USP9X: variants seen among roughly 807,000 people sequenced by gnomAD.
USP9X encodes ubiquitin specific peptidase 9 X-linked.
USP9X carries 7 observed loss-of-function variants against 190.3 expected under a neutral mutation model. That is an observed-to-expected ratio of 0.04 (90% confidence interval 0.02 to 0.07). The LOEUF is 0.07. USP9X is among the 10% of genes least tolerant of loss of function. The probability of loss-of-function intolerance (pLI) is 1.00; values close to 1 mark genes in which losing one functional copy is unlikely to be tolerated. For missense variants in USP9X, 1,010 were observed against 1,916.9 expected, an observed-to-expected ratio of 0.53 and a Z score of 8.83; for synonymous variants, 645 against 659.5, an observed-to-expected ratio of 0.98 and a Z score of 0.34.
chrX:41,195,515 G>A (rs971973621), intron 26 of USP9X, among the ~76,000 whole-genome samples: 5 of 111,517 alleles, frequency 4.5e-5, no homozygotes, highest in African/African-American at 1.6e-4. Context: ...TTTTGGAACT[G>A]CCAGTACGGT....
intron 38 of USP9X, among the ~76,000 whole-genome samples, chrX:41,220,317 T>C (rs985934767): frequency 8.9e-6 from 1 of 112,303 alleles, no homozygotes; most frequent in African/African-American, 3.2e-5. Context: ...TTTTAGATAT[T>C]GCCTGTTCAC....
rs754326668 is a variant in USP9X at position 41,102,937 on chromosome X, C to T, written c.-159+16828C>T. Reference sequence around the variant, plus strand: ...CTTCCCTAGTAGCTGGGATTATAGGCGCCCGCCACCACGCCCGGCTAATTG... The same window carrying T: ...CTTCCCTAGTAGCTGGGATTATAGGTGCCCGCCACCACGCCCGGCTAATTG... On this transcript the variant is annotated intron_variant, in intron 1 of 44. Coordinates refer to ENST00000378308, the MANE Select transcript of USP9X (RefSeq NM_001039591.3). Among the ~76,000 whole-genome samples, 7 of 111,134 alleles carry T rather than the reference C, an allele frequency of 6.3e-5. No individual in the cohort carries two copies. The South Asian group carries it at 2.6e-3, about 42-fold the overall frequency.
intron 1 of USP9X, among the ~76,000 whole-genome samples, chrX:41,095,590 A>T (rs1214448171): frequency 1.8e-5 from 2 of 112,177 alleles, no homozygotes; most frequent in East Asian, 5.6e-4. Flanking sequence ...AAGAACTAGT[A>T]GGAGAGTGTG....
At chrX:41,125,684 A>ACACACACACACACACACT in intron 2 of USP9X, among the ~76,000 whole-genome samples, 20 of 19,022 alleles carry the variant, frequency 1.1e-3, no homozygotes, top group East Asian at 1.9e-3. Flanking sequence ...ACACACACAC[A>ACACACACACACACACACT]CTCTCTCTCT....
At chrX:41,159,591 G>A (rs1446593930) in intron 14 of USP9X, among the ~76,000 whole-genome samples, 2 of 109,522 alleles carry the variant, frequency 1.8e-5, no homozygotes, top group Non-Finnish European at 3.8e-5. Context: ...GTGCAGTGGC[G>A]CCAGCTCGGC....
intron 4 of USP9X, among the ~76,000 whole-genome samples, chrX:41,134,044 C>T (rs1329376069): frequency 1.2e-4 from 14 of 112,233 alleles, no homozygotes; most frequent in Admixed American, 1.2e-3. Flanking sequence ...CATTTAATAG[C>T]ATTGACATTC....
At chrX:41,208,588 C>T (rs2063127449) in intron 32 of USP9X, among the ~76,000 whole-genome samples, 1 of 111,913 alleles carries the variant, frequency 8.9e-6, no homozygotes. Context: ...ATAATTATCA[C>T]CTTTATGTTA....
chrX:41,187,103 G>C (rs1167573423), intron 24 of USP9X, among the ~76,000 whole-genome samples: 1 of 111,621 alleles, frequency 9.0e-6, no homozygotes, highest in African/African-American at 3.3e-5. Context: ...AGAGTGCTGG[G>C]ATTACAGGCA....
chrX:41,165,874 T>A lies in USP9X; in HGVS notation c.1988T>A (p.Phe663Tyr). 1 of 1,199,351 alleles carries A rather than the reference T, an allele frequency of 8.3e-7. No homozygotes were observed. The highest frequency in any genetic ancestry group is 1.8e-5 in the South Asian group (1 of 54,484). Residue 663 changes from phenylalanine to tyrosine, a missense_variant and splice_region_variant, in exon 16 of 45, where the codon TTT becomes TAT. Phe to Tyr is a conservative substitution (Grantham distance 22). This residue lies in a region of USP9X where 104 missense variants were observed against 239.8 expected (regional missense o/e 0.43). Coordinates refer to ENST00000378308, the MANE Select transcript of USP9X (RefSeq NM_001039591.3). ...EVQERLNFLR[F>Y]LLKDGQLWLC... ...CCAATTTTCAATGTTTTTTCAAGAT[T>A]TTTATTGAAGGATGGTCAGCTGTGG... is the stretch of plus-strand genomic sequence containing the variant.
At chrX:41,170,399 A>G (rs747532422) in intron 19 of USP9X, 71 bp from the exon 20 acceptor site, 3 of 1,142,771 alleles carry the variant, frequency 2.6e-6, no homozygotes, top group South Asian at 2.0e-5. Flanking sequence ...TGGTTGGTAT[A>G]TCACTAAGTT....
chrX:41,167,594 A>G lies in USP9X; in HGVS notation c.2424+17A>G. On this transcript the variant is annotated intron_variant, in intron 17 of 44. Coordinates refer to ENST00000378308, the MANE Select transcript of USP9X (RefSeq NM_001039591.3). ...GTCAATCAGGTGAGGATTGATGTGC[A>G]TTAAAACTTCCATATATAATTCTTT... 1 of 1,111,910 alleles carries G rather than the reference A, an allele frequency of 9.0e-7. No homozygotes were observed. The highest frequency in any genetic ancestry group is 3.0e-5 in the East Asian group (1 of 32,845). The allele number at this position is 1,111,910 out of a possible 1,213,427, so 91.6% of individuals were successfully genotyped here.
At position 41,189,484 on chromosome X, in the gene USP9X, C is replaced by A; in HGVS notation, c.3977+9C>A. The A allele has an allele frequency of 8.5e-7, 1 of 1,177,203 alleles. No individual in the cohort carries two copies. Among genetic ancestry groups the A allele is most frequent in the Non-Finnish European group, 1.1e-6 (1 of 877,478 alleles). ...TTGCACTGTCACAGCAAGTAAGTAT[C>A]TTTTTTAATTGTAAGAAACTTACTT... On this transcript the variant is annotated intron_variant, in intron 26 of 44. Transcript: ENST00000378308.
intron 1 of USP9X, among the ~76,000 whole-genome samples, chrX:41,117,013 T>G (rs1042176225): frequency 3.6e-5 from 4 of 111,691 alleles, no homozygotes; most frequent in African/African-American, 1.3e-4. Context: ...AGTAGAGAGA[T>G]GCAGCAGAGT....
chrX:41,160,273 T>A (rs1173188778), intron 14 of USP9X, among the ~76,000 whole-genome samples: 2 of 109,389 alleles, frequency 1.8e-5, no homozygotes, highest in Non-Finnish European at 3.8e-5. Context: ...GTCCAGGTAT[T>A]TGTTTTGAAC....
At chrX:41,208,085 G>A (rs2063121784) in intron 32 of USP9X, among the ~76,000 whole-genome samples, 1 of 108,481 alleles carries the variant, frequency 9.2e-6, no homozygotes, top group Non-Finnish European at 1.9e-5. Flanking sequence ...CCAGGCTAGA[G>A]TGCAGTGGTG....
intron 43 of USP9X, 136 bp downstream of exon 43, chrX:41,229,915 A>C (rs187951947): frequency 2.9e-5 from 31 of 1,075,351 alleles, no homozygotes; most frequent in Non-Finnish European, 3.4e-5. Context: ...AAAAATGTTT[A>C]TTCGGCTGGG....
At chrX:41,203,725 TCTCA>T (rs2063063777) in intron 31 of USP9X, among the ~76,000 whole-genome samples, 1 of 110,568 alleles carries the variant, frequency 9.0e-6, no homozygotes, top group African/African-American at 3.3e-5. Flanking sequence ...TCAGACAGAG[TCTCA>T]CTCTGTCACA....
chrX:41,182,108 C>T (rs3788878), intron 21 of USP9X, among the ~76,000 whole-genome samples: 14,803 of 111,638 alleles, frequency 0.13, 880 homozygotes, highest in East Asian at 0.22. Flanking sequence ...GACCGGGTCA[C>T]GCTGGTAATC....
intron 30 of USP9X, 33 bp downstream of exon 30, chrX:41,198,783 C>G: frequency 2.7e-6 from 3 of 1,102,265 alleles, no homozygotes; most frequent in Admixed American, 2.5e-5. Context: ...GATAATTGAT[C>G]ATTTCAATGT....
Sources: gnomAD v4.1 joint callset for allele counts (sites outside exome capture counted in the v4.1 genomes callset) on GRCh38, gnomAD v4.1.1 for gene constraint, gnomAD v4.1.1 regional missense constraint, MANE v1.5 for transcripts, NCBI Gene and HGNC (gene_info 2026-07-23, HGNC 2026-07-21) for gene names.